Variants in DLG2 observed in about 807,000 individuals in gnomAD.
DLG2 encodes disks large homolog 2.
Under a neutral mutation model 132.5 loss-of-function variants are expected in DLG2, and 45 were observed. That is an observed-to-expected ratio of 0.34 (90% CI 0.27 to 0.44). The LOEUF (loss-of-function observed/expected upper bound fraction) is 0.44, where lower values mean the gene tolerates loss of function less well. Among genes scored for constraint, DLG2 ranks in the 20% least tolerant of loss-of-function variants. The pLI, the probability that DLG2 is intolerant of heterozygous loss-of-function variation, is 1.00. For missense variants in DLG2, 1,045 were observed against 1,196.9 expected (o/e 0.87, Z 1.87); for synonymous variants, 424 against 419.6 (o/e 1.01, Z -0.13).
intron 11 of DLG2, among the ~76,000 whole-genome samples, chr11:84,008,996 T>G (rs1404316388): frequency 6.6e-6 from 1 of 151,776 alleles, no homozygotes; most frequent in African/African-American, 2.4e-5. Context: ...ACTACCTCTC[T>G]TCTTGATGCT....
At chr11:85,409,331 C>G (rs118183280) in intron 3 of DLG2, among the ~76,000 whole-genome samples, 1 of 151,830 alleles carries the variant, frequency 6.6e-6, no homozygotes, top group African/African-American at 2.4e-5. Flanking sequence ...TCTGTATCCA[C>G]GCTATCTGGG....
chr11:84,387,811 A>C (rs113041927), intron 7 of DLG2, among the ~76,000 whole-genome samples: 5 of 152,320 alleles, frequency 3.3e-5, no homozygotes, highest in African/African-American at 1.2e-4. Context: ...CCTGAAAGTA[A>C]ATAAAGCTAC....
intron 19 of DLG2, among the ~76,000 whole-genome samples, chr11:83,553,047 G>C (rs2096430554): frequency 6.6e-6 from 1 of 152,136 alleles, no homozygotes; most frequent in African/African-American, 2.4e-5. Context: ...TGACTCATGA[G>C]AGTTAGGTGA....
intron 7 of DLG2, among the ~76,000 whole-genome samples, chr11:84,300,797 C>A (rs1364015293): frequency 6.6e-6 from 1 of 152,088 alleles, no homozygotes; most frequent in Non-Finnish European, 1.5e-5. Flanking sequence ...AAGGATTTTA[C>A]AAAGATAAAA....
intron 14 of DLG2, among the ~76,000 whole-genome samples, chr11:83,957,909 G>T: frequency 1.3e-5 from 2 of 152,268 alleles, no homozygotes; most frequent in East Asian, 3.9e-4. Context: ...GAGAGGCACT[G>T]CCTGGTTATC....
At chr11:84,002,963 C>A (rs541928845) in intron 11 of DLG2, among the ~76,000 whole-genome samples, 3 of 152,134 alleles carry the variant, frequency 2.0e-5, no homozygotes, top group Admixed American at 1.3e-4. Flanking sequence ...TTTGTGAATG[C>A]GTAAAACTCA....
At chr11:84,322,056 A>G (rs1449542252) in intron 7 of DLG2, among the ~76,000 whole-genome samples, 1 of 152,234 alleles carries the variant, frequency 6.6e-6, no homozygotes, top group Non-Finnish European at 1.5e-5. Context: ...GGGCAATGAA[A>G]GAGCTCTCTT....
intron 9 of DLG2, among the ~76,000 whole-genome samples, chr11:84,120,821 G>C (rs941958780): frequency 6.6e-6 from 1 of 152,170 alleles, no homozygotes; most frequent in Non-Finnish European, 1.5e-5. Flanking sequence ...TTTTTGAGCT[G>C]AGTTTAAAAG....
At chr11:83,790,872 C>G (rs2041352206) in intron 17 of DLG2, 1 of 748,608 alleles carries the variant, frequency 1.3e-6, no homozygotes, top group Non-Finnish European at 2.4e-6. Flanking sequence ...GCTACTTGAT[C>G]CTTCCAAAGG....
intron 9 of DLG2, among the ~76,000 whole-genome samples, chr11:84,162,653 C>A (rs1172748807): frequency 6.6e-6 from 1 of 152,032 alleles, no homozygotes; most frequent in Non-Finnish European, 1.5e-5. Flanking sequence ...GGCTTTTAAT[C>A]TATGTTTCCA....
chr11:84,606,596 A>AT (rs750605837), intron 6 of DLG2, among the ~76,000 whole-genome samples: 16 of 152,128 alleles, frequency 1.1e-4, no homozygotes, highest in Non-Finnish European at 1.9e-4. Flanking sequence ...TTGATGGATT[A>AT]AATGGCAATT....
intron 18 of DLG2, among the ~76,000 whole-genome samples, chr11:83,786,115 G>A (rs187104044): frequency 7.2e-5 from 11 of 152,226 alleles, no homozygotes; most frequent in Admixed American, 5.2e-4. Context: ...AGCAGGGCAT[G>A]GCTAATCCAA....
chr11:84,375,881 G>A (rs2098727081), intron 7 of DLG2, among the ~76,000 whole-genome samples: 1 of 151,934 alleles, frequency 6.6e-6, no homozygotes, highest in Non-Finnish European at 1.5e-5. Flanking sequence ...TTATTGCAGA[G>A]CCTTTCTTTT....
At chr11:85,054,891 AAACT>A (rs1256642765) in intron 6 of DLG2, among the ~76,000 whole-genome samples, 4 of 152,208 alleles carry the variant, frequency 2.6e-5, no homozygotes, top group Non-Finnish European at 2.9e-5. Flanking sequence ...AAGGGTTGAA[AAACT>A]AACTGTTTAG....
intron 6 of DLG2, among the ~76,000 whole-genome samples, chr11:84,677,151 T>C (rs140751292): frequency 6.6e-6 from 1 of 152,148 alleles, no homozygotes; most frequent in African/African-American, 2.4e-5. Context: ...GGGATGGAAA[T>C]CAACAATCTT....
At chr11:83,752,261 C>T (rs1355402271) in intron 18 of DLG2, among the ~76,000 whole-genome samples, 1 of 149,960 alleles carries the variant, frequency 6.7e-6, no homozygotes, top group East Asian at 1.9e-4. Flanking sequence ...GAGCGAGACT[C>T]TGTCTCAAAA....
chr11:84,404,257 T>A (rs1387978246), intron 7 of DLG2, among the ~76,000 whole-genome samples: 4 of 152,130 alleles, frequency 2.6e-5, no homozygotes, highest in Non-Finnish European at 5.9e-5. Flanking sequence ...GACATGTCCT[T>A]TTTTGTCTTA....
intron 8 of DLG2, among the ~76,000 whole-genome samples, chr11:84,236,124 C>T (rs966056497): frequency 1.3e-5 from 2 of 151,300 alleles, no homozygotes; most frequent in African/African-American, 2.4e-5. Context: ...AGAGTTAGTT[C>T]TCTTAGATGC....
chr11:84,893,621 A>G (rs2089766643), intron 6 of DLG2, among the ~76,000 whole-genome samples: 1 of 152,132 alleles, frequency 6.6e-6, no homozygotes, highest in South Asian at 2.1e-4. Flanking sequence ...TTCATTTTGA[A>G]AAAATATTTG....
Sources: gnomAD v4.1 joint callset for allele counts (sites outside exome capture counted in the v4.1 genomes callset) on GRCh38, gnomAD v4.1.1 for gene constraint, MANE v1.5 for transcripts, NCBI Gene and HGNC (gene_info 2026-07-23, HGNC 2026-07-21) for gene names.